The following SRGAP2 variants were observed in gnomAD, a reference collection of about 807,000 sequenced individuals.
SRGAP2 encodes SLIT-ROBO Rho GTPase-activating protein 2.
A neutral mutation model predicts 57.2 loss-of-function variants in SRGAP2; 15 were observed. That is an observed-to-expected ratio of 0.26 (90% CI 0.18 to 0.40). The LOEUF (loss-of-function observed/expected upper bound fraction) is 0.40, where lower values mean the gene tolerates loss of function less well. Among genes scored for constraint, SRGAP2 ranks in the 10% least tolerant of loss-of-function variants. The pLI, the probability that SRGAP2 is intolerant of heterozygous loss-of-function variation, is 1.00. For missense variants in SRGAP2, 520 were observed against 669.6 expected, an observed-to-expected ratio of 0.78 and a Z score of 2.47; for synonymous variants, 249 against 248.0, an observed-to-expected ratio of 1.00 and a Z score of -0.04.
intron 10 of SRGAP2, among the ~76,000 whole-genome samples, chr1:206,412,811 G>C (rs1323271133): frequency 6.6e-6 from 1 of 152,198 alleles, no homozygotes; most frequent in East Asian, 1.9e-4. Context: ...ATATGGATAA[G>C]TGCTGACTTG....
intron 3 of SRGAP2, among the ~76,000 whole-genome samples, chr1:206,312,877 C>A (rs567652023): frequency 6.6e-6 from 1 of 151,762 alleles, no homozygotes; most frequent in Non-Finnish European, 1.5e-5. Flanking sequence ...TGTTGCTGAG[C>A]CTTTGATTGT....
At chr1:206,434,356 G>C (rs1409904636) in intron 14 of SRGAP2, among the ~76,000 whole-genome samples, 2 of 152,208 alleles carry the variant, frequency 1.3e-5, no homozygotes, top group Non-Finnish European at 2.9e-5. Context: ...ACATGAGATG[G>C]CTGCTGTAGA....
chr1:206,460,493 G>A (rs1558460145), intron 22 of SRGAP2, among the ~76,000 whole-genome samples: 2 of 152,124 alleles, frequency 1.3e-5, no homozygotes, highest in South Asian at 4.1e-4. Flanking sequence ...AGGGGCGGGG[G>A]GAGGCGTATT....
chr1:206,437,743 T>C (rs992672065), intron 15 of SRGAP2: 27 of 548,782 alleles, frequency 4.9e-5, no homozygotes, highest in African/African-American at 4.2e-4. Context: ...AGAGTTTATA[T>C]TGGTGGACTC....
intron 4 of SRGAP2, among the ~76,000 whole-genome samples, chr1:206,381,099 G>T (rs1437130035): frequency 3.3e-5 from 5 of 152,204 alleles, no homozygotes; most frequent in Non-Finnish European, 5.9e-5. Context: ...TCAGCAGCCT[G>T]TTCAAATAAA....
chr1:206,326,840 G>A lies in SRGAP2; in HGVS notation c.261-16006G>A, dbSNP rs1360318360. 6.6e-5 allele frequency among the ~76,000 whole-genome samples: 10 copies of A among 152,336 alleles called. No individual in the cohort carries two copies. The East Asian group carries it at 1.5e-3, about 23-fold the overall frequency. ...GATTCACTGAGTTTGGGAATTTCCA[G>A]AGAATCAGATGATAAATTAATAGCA... On this transcript the variant is annotated intron_variant, in intron 3 of 22. Transcript: ENST00000573034.
In SRGAP2 at chr1:206,252,949, A is replaced by G. The variant is rs1668927294; in HGVS notation, c.67+46912A>G. 2.3e-5 allele frequency among the ~76,000 whole-genome samples: 3 copies of G among 128,920 alleles called. No individual in the cohort carries two copies. The Admixed American group carries it at 2.3e-4, about 10-fold the overall frequency. 84.6% of individuals were successfully genotyped at this position (128,920 alleles called of 152,430 possible). A position where few individuals can be genotyped will look rare whatever the true frequency, so the allele number is the denominator to read the frequency against. On this transcript the variant is annotated intron_variant, in intron 2 of 22. Coordinates refer to ENST00000573034, the MANE Select transcript of SRGAP2 (RefSeq NM_015326.5). Reference sequence around the variant, plus strand: ...CAAGGGATCTGCTTTTCCTCTACTCATTGTCCCTACACAACTTTTCCTGGC... The same window carrying G: ...CAAGGGATCTGCTTTTCCTCTACTCGTTGTCCCTACACAACTTTTCCTGGC...
rs781913832 is a variant in SRGAP2, at chr1:206,430,115, A to G, written c.1495-47A>G. On this transcript the variant is annotated intron_variant, in intron 13 of 22. Coordinates refer to ENST00000573034, the MANE Select transcript of SRGAP2 (RefSeq NM_015326.5). ...GGCCCGTTTTCTCTGACCCTGGGCT[A>G]TCCCTGTTTGAATATTCTAATGTTG... The G allele has an allele frequency of 1.3e-5, 10 of 780,014 alleles. No individual in the cohort carries two copies. In the East Asian group the frequency reaches 2.4e-4, roughly 19 times the overall value. The allele number at this position is 780,014 out of a possible 1,614,324, so 48.3% of individuals were successfully genotyped here. A position where few individuals can be genotyped will look rare whatever the true frequency, so the allele number is the denominator to read the frequency against.
chr1:206,449,771 C>T (rs1553375201), intron 18 of SRGAP2, among the ~76,000 whole-genome samples: 1 of 152,096 alleles, frequency 6.6e-6, no homozygotes, highest in Non-Finnish European at 1.5e-5. Flanking sequence ...TGCAAAGCAA[C>T]CTAGAGGCAT....
chr1:206,437,166 G>A, intron 15 of SRGAP2, 124 bp downstream of exon 15: 1 of 706,976 alleles, frequency 1.4e-6, no homozygotes, highest in South Asian at 1.5e-5. Context: ...TCTTCAGGGG[G>A]TACCTGCTGT....
chr1:206,203,780 C>CA (rs1553300008), intron 1 of SRGAP2, 130 bp downstream of exon 1: 1 of 1,518,072 alleles, frequency 6.6e-7, no homozygotes, highest in African/African-American at 1.4e-5. Flanking sequence ...AGCGGTGCCG[C>CA]CCGGAATCCC....
chr1:206,309,125 C>T (rs537807081), intron 3 of SRGAP2, among the ~76,000 whole-genome samples: 342 of 144,434 alleles, frequency 2.4e-3, no homozygotes, highest in African/African-American at 8.4e-3. Context: ...ATGACTGCAC[C>T]GCTGCACACC....
chr1:206,444,467 G>T (rs1662582137), intron 17 of SRGAP2, among the ~76,000 whole-genome samples: 1 of 152,180 alleles, frequency 6.6e-6, no homozygotes, highest in Non-Finnish European at 1.5e-5. Context: ...TGACCATCAG[G>T]CTTCCCAGAC....
intron 17 of SRGAP2, among the ~76,000 whole-genome samples, chr1:206,442,236 G>A (rs902625707): frequency 4.6e-5 from 7 of 152,256 alleles, no homozygotes; most frequent in Admixed American, 1.3e-4. Context: ...TCTTCCATGC[G>A]GTTGTGTCTG....
Position 206,454,305 on chromosome 1 carries a change from G to C in SRGAP2, c.2361-573G>C. ...TGACTTCACCACAGGATCAAGAGAA[G>C]ATGAATTGTGGGGGAGAAGGGGCTT... On this transcript the variant is annotated intron_variant, in intron 20 of 22. Transcript: ENST00000573034. This position sits in a 1 kb window ranked among gnomAD's most constrained non-coding sequence, Gnocchi z 4.3. 1 of 655,306 alleles carries C rather than the reference G, an allele frequency of 1.5e-6. No individual in the cohort carries two copies. Among genetic ancestry groups the C allele is most frequent in the Non-Finnish European group, 2.8e-6 (1 of 361,576 alleles). 40.6% of individuals were successfully genotyped at this position (655,306 alleles called of 1,614,324 possible).
chr1:206,418,119 T>G (rs868971955), intron 11 of SRGAP2, among the ~76,000 whole-genome samples: 4 of 152,134 alleles, frequency 2.6e-5, no homozygotes, highest in Middle Eastern at 3.4e-3. Context: ...AAAAAAGCTA[T>G]AAATCTTTCT....
intron 3 of SRGAP2, among the ~76,000 whole-genome samples, 177 bp downstream of exon 3, chr1:206,303,650 C>T (rs1242390674): frequency 1.8e-4 from 28 of 152,164 alleles, no homozygotes; most frequent in Admixed American, 6.5e-4. Flanking sequence ...TTCAACATTT[C>T]GTAGAGATGA....
At position 206,322,477 on chromosome 1, in the gene SRGAP2, G is replaced by A. The variant is rs1475512153; in HGVS notation, c.260+19004G>A. On this transcript the variant is annotated intron_variant, in intron 3 of 22. Coordinates refer to ENST00000573034, the MANE Select transcript of SRGAP2 (RefSeq NM_015326.5). ...CGCCTGTGGTCCCAGCTACTGGGGA[G>A]GCTGAGGCAGGAGAATGGGGTGAAC... is the stretch of plus-strand genomic sequence containing the variant. 3.3e-5 allele frequency among the ~76,000 whole-genome samples: 5 copies of A among 151,776 alleles called. No individual in the cohort carries two copies. In the East Asian group the frequency reaches 7.7e-4, roughly 23 times the overall value.
At chr1:206,377,481 ATTTTT>A (rs782108315) in intron 4 of SRGAP2, among the ~76,000 whole-genome samples, 3 of 98,968 alleles carry the variant, frequency 3.0e-5, no homozygotes, top group South Asian at 3.7e-4. Context: ...TTGAAATCAG[ATTTTT>A]TTTTTTTTTT....
Sources: gnomAD v4.1 joint callset for allele counts (sites outside exome capture counted in the v4.1 genomes callset) on GRCh38, gnomAD v4.1.1 for gene constraint, Gnocchi (gnomAD v3.1) non-coding constraint, MANE v1.5 for transcripts, NCBI Gene and HGNC (gene_info 2026-07-23, HGNC 2026-07-21) for gene names.